The following LRMDA variants were observed in gnomAD, a reference collection of about 807,000 sequenced individuals.
LRMDA encodes the protein leucine rich melanocyte differentiation associated.
In LRMDA, 18 loss-of-function variants were observed where a neutral mutation model predicts 29.8. The observed-to-expected ratio is 0.60, with a 90% CI of 0.42 to 0.90. The LOEUF is 0.90. Among genes scored for constraint, LRMDA ranks in the 40% least tolerant of loss-of-function variants. The pLI is 0.00. For synonymous variants in LRMDA, 125 were observed against 109.4 expected (o/e 1.14, Z -0.89); for missense variants, 273 against 273.9 (o/e 1.00, Z 0.02).
intron 6 of LRMDA, among the ~76,000 whole-genome samples, chr10:76,359,457 G>A (rs1841283179): frequency 6.6e-6 from 1 of 152,132 alleles, no homozygotes; most frequent in Admixed American, 6.5e-5. Flanking sequence ...GAAGCTAGTT[G>A]GTAGAGTGGA....
At chr10:76,119,016 GA>G (rs945959187) in intron 5 of LRMDA, among the ~76,000 whole-genome samples, 6 of 151,970 alleles carry the variant, frequency 3.9e-5, no homozygotes, top group African/African-American at 1.5e-4. Flanking sequence ...TGAAGTTCCT[GA>G]TAATATGACA....
At chr10:75,838,610 A>T (rs965645108) in intron 2 of LRMDA, among the ~76,000 whole-genome samples, 1 of 152,118 alleles carries the variant, frequency 6.6e-6, no homozygotes, top group South Asian at 2.1e-4. Context: ...GTCTGAGTTT[A>T]TGATAATGTA....
At chr10:76,402,560 C>T (rs539440500) in intron 6 of LRMDA, among the ~76,000 whole-genome samples, 13 of 151,940 alleles carry the variant, frequency 8.6e-5, no homozygotes, top group Admixed American at 6.6e-4. Context: ...AGGTATGTTG[C>T]ACTGGCTGGT....
At chr10:76,045,425 G>T (rs929153717) in intron 3 of LRMDA, among the ~76,000 whole-genome samples, 7 of 107,200 alleles carry the variant, frequency 6.5e-5, no homozygotes, top group Non-Finnish European at 9.7e-5. Flanking sequence ...CCCTCTCTTG[G>T]TAGTTTCCCC....
chr10:76,275,363 T>G (rs1840118038), intron 5 of LRMDA, among the ~76,000 whole-genome samples: 1 of 152,100 alleles, frequency 6.6e-6, no homozygotes, highest in Non-Finnish European at 1.5e-5. Context: ...TATCATTTTT[T>G]TAACTTGCTA....
chr10:76,168,713 A>G (rs1850783739), intron 5 of LRMDA, among the ~76,000 whole-genome samples: 1 of 152,066 alleles, frequency 6.6e-6, no homozygotes, highest in Non-Finnish European at 1.5e-5. Flanking sequence ...AGTAGATGAA[A>G]GGGGATGATG....
intron 5 of LRMDA, among the ~76,000 whole-genome samples, chr10:76,217,073 A>G (rs1289127058): frequency 1.3e-5 from 2 of 152,256 alleles, no homozygotes; most frequent in Non-Finnish European, 2.9e-5. Flanking sequence ...GTGAGGGGGC[A>G]AATGAGAATG....
Position 76,204,507 on chromosome 10 carries a change from C to T in LRMDA, c.517-119894C>T, listed in dbSNP as rs999694179. Among the ~76,000 whole-genome samples, 3 of 152,224 alleles carry T rather than the reference C, an allele frequency of 2.0e-5. 1 individual carries two copies. Among genetic ancestry groups the T allele is most frequent in the Non-Finnish European group, 4.4e-5 (3 of 68,044 alleles). ...TGCTTAACTTCTTTAATTTATCCAG[C>T]TCTTGCAGGGAAACAAGACACAGTT... On this transcript the variant is annotated intron_variant, in intron 5 of 6. Transcript: ENST00000611255.
intron 5 of LRMDA, among the ~76,000 whole-genome samples, chr10:76,140,308 C>T (rs1004563577): frequency 1.3e-5 from 2 of 152,118 alleles, no homozygotes; most frequent in East Asian, 3.9e-4. Context: ...ACCAGAGACT[C>T]CTTTCACTGG....
At chr10:75,528,850 A>G (rs1396990916) in intron 2 of LRMDA, among the ~76,000 whole-genome samples, 1 of 152,246 alleles carries the variant, frequency 6.6e-6, no homozygotes, top group African/African-American at 2.4e-5. Flanking sequence ...ATAAAACGAG[A>G]TAGCATAGCA....
chr10:75,689,745 T>C (rs1467475391), intron 2 of LRMDA, among the ~76,000 whole-genome samples: 2 of 152,176 alleles, frequency 1.3e-5, no homozygotes. Flanking sequence ...TAGACAGGCA[T>C]CTCTCCCAAG....
In LRMDA at chr10:76,497,199, T is replaced by C. The variant is rs547875709; in HGVS notation, c.602-60010T>C. Among the ~76,000 whole-genome samples the C allele has an allele frequency of 9.2e-5, 7 of 75,702 alleles. 2 individuals carry two copies. The highest frequency in any genetic ancestry group is 2.5e-4 in the East Asian group (1 of 3,982). 49.7% of individuals were successfully genotyped at this position (75,702 alleles called of 152,430 possible). A position where few individuals can be genotyped will look rare whatever the true frequency, so the allele number is the denominator to read the frequency against. ...GCTTCCATGGCTTTCATCTTTTTTT[T>C]CCCCTCTTTTAAAAGATATTTCAAA... is the stretch of plus-strand genomic sequence containing the variant. On this transcript the variant is annotated intron_variant, in intron 6 of 6. Transcript: ENST00000611255.
intron 5 of LRMDA, among the ~76,000 whole-genome samples, chr10:76,222,548 A>G (rs529295799): frequency 1.3e-5 from 2 of 152,360 alleles, no homozygotes; most frequent in Admixed American, 6.5e-5. Flanking sequence ...CATCAGAGAA[A>G]TGCAAATCAA....
chr10:76,450,355 A>G (rs558787390), intron 6 of LRMDA, among the ~76,000 whole-genome samples: 87 of 152,144 alleles, frequency 5.7e-4, no homozygotes, highest in African/African-American at 2.1e-3. Flanking sequence ...TCCTCTTTTC[A>G]TTTTTGTAGG....
intron 6 of LRMDA, among the ~76,000 whole-genome samples, chr10:76,469,961 C>A (rs1182113936): frequency 6.6e-6 from 1 of 152,082 alleles, no homozygotes; most frequent in Non-Finnish European, 1.5e-5. Context: ...CCCATCCCTT[C>A]TCCCCTATGA....
chr10:76,036,126 A>C lies in LRMDA; in HGVS notation c.250A>C (p.Lys84Gln). 6.2e-7 allele frequency: 1 copy of C among 1,613,696 alleles called. No individual in the cohort carries two copies. The highest frequency in any genetic ancestry group is 8.5e-7 in the Non-Finnish European group (1 of 1,179,972). ...CAGACTGCATACCTTAACCCTCAAC[A>C]AGAACCGAATATCCTTTCCTCTGCC... The part of the protein sequence containing the change: ...LPRLHTLTLN[K>Q]NRITDLENLL... Residue 84 changes from lysine (K) to glutamine (Q), a missense_variant, in exon 3 of 7, where the codon AAG (lysine) becomes CAG (glutamine). Transcript: ENST00000611255.
chr10:75,988,413 G>A (rs1410102863), intron 2 of LRMDA, among the ~76,000 whole-genome samples: 1 of 151,916 alleles, frequency 6.6e-6, no homozygotes, highest in Non-Finnish European at 1.5e-5. Flanking sequence ...TCTACATTCA[G>A]CATGGGGCTC....
intron 6 of LRMDA, among the ~76,000 whole-genome samples, chr10:76,357,816 T>C (rs1381216117): frequency 1.3e-5 from 2 of 152,210 alleles, no homozygotes; most frequent in African/African-American, 4.8e-5. Context: ...TGAGCAAACC[T>C]GGCCTTCGTG....
At chr10:75,576,565 T>C (rs776478973) in intron 2 of LRMDA, among the ~76,000 whole-genome samples, 19 of 152,188 alleles carry the variant, frequency 1.2e-4, no homozygotes, top group South Asian at 2.1e-4. Context: ...GACCTCCGTG[T>C]ATCCTGACCA....
Sources: gnomAD v4.1 joint callset for allele counts (sites outside exome capture counted in the v4.1 genomes callset) on GRCh38, gnomAD v4.1.1 for gene constraint, MANE v1.5 for transcripts, NCBI Gene and HGNC (gene_info 2026-07-23, HGNC 2026-07-21) for gene names.